The following ETV6 variants were observed in gnomAD, a reference collection of about 807,000 sequenced individuals.
ETV6 encodes the protein ETS variant transcription factor 6.
In ETV6, 16 loss-of-function variants were observed where a neutral mutation model predicts 51.1. That is an observed-to-expected ratio of 0.31 (90% CI 0.21 to 0.48). The LOEUF (loss-of-function observed/expected upper bound fraction) is 0.48, where lower values mean the gene tolerates loss of function less well. Among genes scored for constraint, ETV6 ranks in the 20% least tolerant of loss-of-function variants. The pLI is 0.99. For missense variants in ETV6, 458 were observed against 594.8 expected (o/e 0.77, Z 2.39); for synonymous variants, 240 against 224.1 (o/e 1.07, Z -0.64).
At position 11,894,618 on chromosome 12, in the gene ETV6, G is replaced by T. The variant is rs1324493841; in HGVS notation, c.*3572G>T. The T allele has an allele frequency of 4.3e-6, 1 of 233,144 alleles. No homozygotes were observed. Among genetic ancestry groups the T allele is most frequent in the East Asian group, 6.0e-5 (1 of 16,590 alleles). The allele number at this position is 233,144 out of a possible 1,614,324, so 14.4% of individuals were successfully genotyped here. On this transcript the variant is annotated 3_prime_UTR_variant, in exon 8 of 8. Coordinates refer to ENST00000396373, the MANE Select transcript of ETV6 (RefSeq NM_001987.5). ...TTGTCCAAATGAGAATGTCGCTTTA[G>T]CTGAAATTCAAATGGCTGTGACAAT...
intron 1 of ETV6, among the ~76,000 whole-genome samples, chr12:11,741,491 A>G (rs1036957599): frequency 6.6e-6 from 1 of 152,176 alleles, no homozygotes. Flanking sequence ...CCTGCCACAC[A>G]CAAGTGCAGC....
At chr12:11,683,286 C>T (rs973198661) in intron 1 of ETV6, among the ~76,000 whole-genome samples, 2 of 152,164 alleles carry the variant, frequency 1.3e-5, no homozygotes, top group East Asian at 1.9e-4. Flanking sequence ...TCAAGTGATC[C>T]GCCAGCCTTG....
intron 1 of ETV6, among the ~76,000 whole-genome samples, chr12:11,738,908 G>T (rs942075493): frequency 2.0e-5 from 3 of 152,094 alleles, no homozygotes; most frequent in African/African-American, 7.2e-5. Context: ...CGTTTTTTAG[G>T]TGTCTCCGAA....
intron 2 of ETV6, among the ~76,000 whole-genome samples, chr12:11,831,592 A>G (rs549026101): frequency 1.3e-5 from 2 of 152,382 alleles, no homozygotes; most frequent in South Asian, 4.1e-4. Context: ...GAAAGAAAAA[A>G]GGAAAAGGAG....
At chr12:11,777,763 C>G (rs1186339177) in intron 2 of ETV6, among the ~76,000 whole-genome samples, 1 of 152,110 alleles carries the variant, frequency 6.6e-6, no homozygotes, top group Non-Finnish European at 1.5e-5. Flanking sequence ...CCTCCACCCC[C>G]CACCCTAGCA....
At chr12:11,725,250 A>T (rs1396318053) in intron 1 of ETV6, among the ~76,000 whole-genome samples, 3 of 151,968 alleles carry the variant, frequency 2.0e-5, no homozygotes, top group Non-Finnish European at 4.4e-5. Context: ...ATTGGTCAGA[A>T]TTCCAAATTT....
intron 2 of ETV6, among the ~76,000 whole-genome samples, chr12:11,823,356 T>G (rs1477452923): frequency 6.6e-6 from 1 of 152,164 alleles, no homozygotes; most frequent in African/African-American, 2.4e-5. Context: ...TATTAAAAAT[T>G]TCATAGTTCT....
intron 1 of ETV6, among the ~76,000 whole-genome samples, chr12:11,676,790 G>C (rs1392658201): frequency 6.6e-6 from 1 of 152,134 alleles, no homozygotes; most frequent in Non-Finnish European, 1.5e-5. Flanking sequence ...GAGTAGGTTT[G>C]GTGCTCCATA....
In ETV6 at chr12:11,829,195, G is replaced by C. The variant is rs117799355; in HGVS notation, c.164-9945G>C. On this transcript the variant is annotated intron_variant, in intron 2 of 7. Transcript: ENST00000396373. Reference sequence around the variant, plus strand: ...GCTTCTGCAGCTCCAGGGAGCTGCTGAAAGTATTTTGGTCTTCTGGAGACA... The same window carrying C: ...GCTTCTGCAGCTCCAGGGAGCTGCTCAAAGTATTTTGGTCTTCTGGAGACA... Among the ~76,000 whole-genome samples the C allele has an allele frequency of 9.7e-3, 1,479 of 152,284 alleles. 14 individuals are homozygous for C. The highest frequency in any genetic ancestry group is 0.016 in the Non-Finnish European group (1,070 of 68,022).
chr12:11,827,182 T>A lies in ETV6; in HGVS notation c.164-11958T>A, dbSNP rs182347658. ...TGTTTTTTTTTGTTTGTTTGTTTCA[T>A]GAGGCGTCAGCAACGCTGTTAAAAT... is the stretch of plus-strand genomic sequence containing the variant. On this transcript the variant is annotated intron_variant, in intron 2 of 7. Transcript: ENST00000396373. Among the ~76,000 whole-genome samples the A allele has an allele frequency of 2.6e-3, 397 of 152,086 alleles. 1 individual carries two copies. Among genetic ancestry groups the A allele is most frequent in the Middle Eastern group, 6.8e-3 (2 of 292 alleles).
At chr12:11,722,772 A>G (rs1865413906) in intron 1 of ETV6, among the ~76,000 whole-genome samples, 1 of 152,184 alleles carries the variant, frequency 6.6e-6, no homozygotes, top group African/African-American at 2.4e-5. Flanking sequence ...AGATCCGGGG[A>G]GGAAGTGATG....
At chr12:11,786,961 C>T (rs903159048) in intron 2 of ETV6, among the ~76,000 whole-genome samples, 35 of 152,128 alleles carry the variant, frequency 2.3e-4, no homozygotes, top group South Asian at 2.1e-4. Flanking sequence ...AGTGATCAAA[C>T]GCTGAAATGA....
intron 1 of ETV6, among the ~76,000 whole-genome samples, chr12:11,682,693 T>G (rs924346023): frequency 4.6e-5 from 7 of 152,226 alleles, no homozygotes; most frequent in Non-Finnish European, 8.8e-5. Context: ...TTTTATGGTT[T>G]TATAGGTTTT....
intron 2 of ETV6, among the ~76,000 whole-genome samples, chr12:11,810,792 T>C (rs779260487): frequency 1.6e-4 from 24 of 152,196 alleles, no homozygotes; most frequent in Non-Finnish European, 2.6e-4. Context: ...CATAGATTTA[T>C]GGTAGGACTT....
At chr12:11,653,972 C>T (rs2120606155) in intron 1 of ETV6, among the ~76,000 whole-genome samples, 1 of 152,022 alleles carries the variant, frequency 6.6e-6, no homozygotes, top group Admixed American at 6.5e-5. Flanking sequence ...GCCACCATGC[C>T]CGGCTAATTT....
At chr12:11,701,567 C>A (rs945343248) in intron 1 of ETV6, among the ~76,000 whole-genome samples, 1 of 152,126 alleles carries the variant, frequency 6.6e-6, no homozygotes, top group South Asian at 2.1e-4. Flanking sequence ...TTTCCCAAAG[C>A]GAAACTTCCA....
chr12:11,694,189 G>A (rs1474232881), intron 1 of ETV6, among the ~76,000 whole-genome samples: 1 of 152,126 alleles, frequency 6.6e-6, no homozygotes, highest in African/African-American at 2.4e-5. Context: ...CTAGCACAGT[G>A]GTAAGAACAC....
At chr12:11,848,845 G>C (rs562666731) in intron 3 of ETV6, among the ~76,000 whole-genome samples, 3 of 152,244 alleles carry the variant, frequency 2.0e-5, no homozygotes, top group Non-Finnish European at 4.4e-5. Context: ...CGAAAACCAT[G>C]GTTCTTTGAC....
At chr12:11,762,765 A>G (rs191295759) in intron 2 of ETV6, among the ~76,000 whole-genome samples, 180 of 152,268 alleles carry the variant, frequency 1.2e-3, no homozygotes, top group Admixed American at 3.9e-3. Context: ...GGAATCATCT[A>G]CTCATTGCCA....
Sources: allele counts gnomAD v4.1 joint callset (sites outside exome capture counted in the v4.1 genomes callset), GRCh38; gene constraint gnomAD v4.1.1; transcripts MANE v1.5; gene names NCBI Gene and HGNC (gene_info 2026-07-23, HGNC 2026-07-21).